The following NCOA2 variants were observed in gnomAD, a reference collection of about 807,000 sequenced individuals.
NCOA2 encodes class E basic helix-loop-helix protein 75.
NCOA2 carries 21 observed loss-of-function variants against 145.1 expected under a neutral mutation model. The observed-to-expected ratio is 0.14, with a 90% CI of 0.10 to 0.21. The LOEUF (loss-of-function observed/expected upper bound fraction) is 0.21, where lower values mean the gene tolerates loss of function less well. NCOA2 is among the 10% of genes least tolerant of loss of function. The probability of loss-of-function intolerance (pLI) is 1.00; values close to 1 mark genes in which losing one functional copy is unlikely to be tolerated. For missense variants in NCOA2, 1,472 were observed against 1,837.6 expected, an observed-to-expected ratio of 0.80 and a Z score of 3.64; for synonymous variants, 619 against 637.5, an observed-to-expected ratio of 0.97 and a Z score of 0.44.
chr8:70,243,644 TTTTATTATTCAAAATA>T (rs1822348696), intron 2 of NCOA2, among the ~76,000 whole-genome samples: 1 of 151,984 alleles, frequency 6.6e-6, no homozygotes, highest in African/African-American at 2.4e-5. Context: ...ACTTTGAAAC[TTTTATTATTCAAAATA>T]TTTAACATAT....
intron 2 of NCOA2, among the ~76,000 whole-genome samples, chr8:70,251,553 T>C (rs1392126337): frequency 6.6e-6 from 1 of 152,220 alleles, no homozygotes; most frequent in African/African-American, 2.4e-5. Context: ...TTGAAGTCAG[T>C]GGAGTATCAC....
the NCOA2 span, among the ~76,000 whole-genome samples, chr8:70,432,466 A>G: frequency 1.3e-5 from 2 of 152,172 alleles, no homozygotes; most frequent in African/African-American, 4.8e-5. Context: ...GTTTGAGATC[A>G]GCCTGGGCAA....
intron 1 of NCOA2, among the ~76,000 whole-genome samples, chr8:70,380,910 A>G (rs1812132063): frequency 6.6e-6 from 1 of 152,040 alleles, no homozygotes; most frequent in East Asian, 1.9e-4. Context: ...ACCCACCTCT[A>G]CAAAAAATAT....
At chr8:70,216,294 A>G (rs574082151) in intron 3 of NCOA2, among the ~76,000 whole-genome samples, 5 of 152,346 alleles carry the variant, frequency 3.3e-5, no homozygotes, top group African/African-American at 1.2e-4. Context: ...TGGGTTTAAC[A>G]TTTTATGTCT....
chr8:70,415,072 G>A, the NCOA2 span, among the ~76,000 whole-genome samples: 23 of 152,222 alleles, frequency 1.5e-4, no homozygotes, highest in African/African-American at 4.8e-4. Context: ...GGAGGCTGAG[G>A]TGGGAGGATT....
intron 4 of NCOA2, among the ~76,000 whole-genome samples, chr8:70,188,747 CAGAA>C (rs1463863956): frequency 3.9e-5 from 6 of 152,120 alleles, no homozygotes; most frequent in African/African-American, 1.4e-4. Context: ...TTCTACTAAA[CAGAA>C]AGATTATATT....
chr8:70,164,072 C>T (rs1437388603), intron 7 of NCOA2, among the ~76,000 whole-genome samples: 1 of 152,106 alleles, frequency 6.6e-6, no homozygotes, highest in Non-Finnish European at 1.5e-5. Context: ...TGGCAACATG[C>T]AATTTAAAGC....
At position 70,111,727 on chromosome 8, in the gene NCOA2, G is replaced by A. The variant is rs975669327; in HGVS notation, c.*1905C>T. On this transcript the variant is annotated 3_prime_UTR_variant, in exon 23 of 23. Transcript: ENST00000452400. ...ATCTCTTCCTATATTTCCATAATGC[G>A]TACATATAGAGAGAGATATAAGTAT... is the stretch of plus-strand genomic sequence containing the variant. The A allele has an allele frequency of 9.9e-5, 21 of 212,056 alleles. No homozygotes were observed. Among genetic ancestry groups the A allele is most frequent in the South Asian group, 5.6e-4 (3 of 5,320 alleles). The allele number at this position is 212,056 out of a possible 1,614,324, so 13.1% of individuals were successfully genotyped here.
chr8:70,307,370 G>C lies in NCOA2; in HGVS notation c.-76-10570C>G, dbSNP rs115654674. 9.8e-3 allele frequency among the ~76,000 whole-genome samples: 1,493 copies of C among 152,214 alleles called. 35 individuals carry two copies. Among genetic ancestry groups the C allele is most frequent in the African/African-American group, 0.034 (1,416 of 41,542 alleles). The stretch of plus-strand genomic sequence containing the variant: ...AAAAGAAGACAATTCTGAAACCTAA[G>C]GTGGGAGACAGCTAGGAAAACAATC... On this transcript the variant is annotated intron_variant, in intron 1 of 22. Coordinates refer to ENST00000452400, the MANE Select transcript of NCOA2 (RefSeq NM_006540.4).
intron 9 of NCOA2, among the ~76,000 whole-genome samples, chr8:70,161,594 A>G (rs987540078): frequency 6.6e-6 from 1 of 152,330 alleles, no homozygotes; most frequent in East Asian, 1.9e-4. Flanking sequence ...AAGTGATCTA[A>G]AAAGTATAAA....
At chr8:70,236,475 C>T (rs574247887) in intron 2 of NCOA2, among the ~76,000 whole-genome samples, 1 of 152,144 alleles carries the variant, frequency 6.6e-6, no homozygotes, top group African/African-American at 2.4e-5. Context: ...AGTTCTTTTG[C>T]TTGTCATATA....
chr8:70,257,639 A>G (rs1417336049), intron 2 of NCOA2, among the ~76,000 whole-genome samples: 1 of 152,122 alleles, frequency 6.6e-6, no homozygotes, highest in Admixed American at 6.5e-5. Flanking sequence ...CGCTACTGCC[A>G]AAACCACCCC....
intron 1 of NCOA2, among the ~76,000 whole-genome samples, chr8:70,311,800 C>A (rs1736609428): frequency 6.6e-6 from 1 of 152,082 alleles, no homozygotes; most frequent in South Asian, 2.1e-4. Context: ...GCACAATTGT[C>A]CCTAAATCCT....
At chr8:70,118,353 A>G (rs928473641) in intron 22 of NCOA2, among the ~76,000 whole-genome samples, 1 of 152,198 alleles carries the variant, frequency 6.6e-6, no homozygotes, top group African/African-American at 2.4e-5. Flanking sequence ...ACTTCTGCAC[A>G]TAAGCCACGA....
intron 14 of NCOA2, among the ~76,000 whole-genome samples, chr8:70,140,192 C>T (rs1810227548): frequency 6.6e-6 from 1 of 152,142 alleles, no homozygotes; most frequent in Admixed American, 6.5e-5. Context: ...CATCACACCA[C>T]AATCGACTTC....
chr8:70,340,418 T>C (rs1299960885), intron 1 of NCOA2, among the ~76,000 whole-genome samples: 2 of 152,174 alleles, frequency 1.3e-5, no homozygotes, highest in Admixed American at 6.5e-5. Context: ...CCAGTCAGAA[T>C]GGCGATTATT....
At chr8:70,171,463 T>TGTTTACCTTGCATGGAAG (rs1420180643) in intron 5 of NCOA2, among the ~76,000 whole-genome samples, 3 of 152,188 alleles carry the variant, frequency 2.0e-5, no homozygotes, top group Admixed American at 1.3e-4. Context: ...CTTCCCATCA[T>TGTTTACCTTGCATGGAAG]GTTTACCTTG....
chr8:70,163,388 A>G, intron 8 of NCOA2, 77 bp downstream of exon 8: 1 of 1,046,952 alleles, frequency 9.6e-7, no homozygotes, highest in Non-Finnish European at 1.4e-6. Context: ...ACAGTCTTCT[A>G]AATAGAGTCC....
chr8:70,156,005 T>G lies in NCOA2; in HGVS notation c.2360A>C (p.Glu787Ala). 1 of 1,595,610 alleles carries G rather than the reference T, an allele frequency of 6.3e-7. No homozygotes were observed. Among genetic ancestry groups the G allele is most frequent in the Non-Finnish European group, 8.5e-7 (1 of 1,172,706 alleles). ...SNTKLIAMKT[E>A]KEEMSFEPGD... is the part of the protein sequence containing the mutation. ...AGGCTCAAAGCTCATCTCCTCCTTC[T>G]CAGTTTTCATTGCTATTAATTTTGT... The change falls in exon 11 of 23, where the codon GAG becomes GCG. Residue 787 changes from glutamate to alanine, a missense_variant. Glu to Ala is a moderately radical substitution (Grantham distance 107). Coordinates refer to ENST00000452400, the MANE Select transcript of NCOA2 (RefSeq NM_006540.4).
Sources: allele counts gnomAD v4.1 joint callset (sites outside exome capture counted in the v4.1 genomes callset), GRCh38; gene constraint gnomAD v4.1.1; transcripts MANE v1.5; gene names NCBI Gene and HGNC (gene_info 2026-07-23, HGNC 2026-07-21).